Variants in PCBP3 observed in about 807,000 individuals in gnomAD.
The protein encoded by PCBP3 is poly(rC)-binding protein 3.
A neutral mutation model predicts 52.7 loss-of-function variants in PCBP3; 25 were observed. That is an observed-to-expected ratio of 0.47 (90% CI 0.35 to 0.66). PCBP3 has a LOEUF of 0.66. Among genes scored for constraint, PCBP3 ranks in the 30% least tolerant of loss-of-function variants. PCBP3 has a pLI of 0.01. For missense variants in PCBP3, 391 were observed against 490.3 expected (o/e 0.80, Z 1.91); for synonymous variants, 162 against 183.0 (o/e 0.89, Z 0.93).
At chr21:45,865,823 G>A (rs539614423) in intron 5 of PCBP3, among the ~76,000 whole-genome samples, 1 of 152,328 alleles carries the variant, frequency 6.6e-6, no homozygotes, top group African/African-American at 2.4e-5. Flanking sequence ...AGGGCAGGCG[G>A]CTGTCCTGCA....
At chr21:45,770,828 T>C (rs2089806031) in intron 4 of PCBP3, among the ~76,000 whole-genome samples, 1 of 152,188 alleles carries the variant, frequency 6.6e-6, no homozygotes, top group South Asian at 2.1e-4. Context: ...TCTGCAGCCA[T>C]GTATCCCCAG....
chr21:45,832,196 G>A (rs1050253482), intron 4 of PCBP3, among the ~76,000 whole-genome samples: 4 of 152,180 alleles, frequency 2.6e-5, no homozygotes, highest in East Asian at 1.9e-4. Context: ...TACACCATAC[G>A]GTAACTTCCT....
chr21:45,716,783 A>G (rs538654459), intron 2 of PCBP3, among the ~76,000 whole-genome samples: 3 of 152,232 alleles, frequency 2.0e-5, no homozygotes, highest in South Asian at 2.1e-4. Flanking sequence ...TAAGTTTTCA[A>G]ATTGGGAAAT....
chr21:45,797,203 G>C (rs2091963719), intron 4 of PCBP3, among the ~76,000 whole-genome samples: 1 of 152,162 alleles, frequency 6.6e-6, no homozygotes, highest in African/African-American at 2.4e-5. Context: ...GTGAATGCTA[G>C]ATGGATGGAT....
intron 4 of PCBP3, among the ~76,000 whole-genome samples, chr21:45,768,969 G>A (rs980808688): frequency 1.1e-4 from 16 of 152,252 alleles, no homozygotes; most frequent in Non-Finnish European, 2.4e-4. Context: ...AGGTGAGCAC[G>A]TGTCAGGACT....
intron 4 of PCBP3, among the ~76,000 whole-genome samples, chr21:45,846,100 C>T (rs551916741): frequency 4.6e-5 from 7 of 152,250 alleles, no homozygotes; most frequent in African/African-American, 9.6e-5. Context: ...TGGGCGTGTG[C>T]GTGAGGTTGG....
chr21:45,749,202 C>T (rs1045639444), intron 3 of PCBP3, among the ~76,000 whole-genome samples: 2 of 152,046 alleles, frequency 1.3e-5, no homozygotes, highest in African/African-American at 4.8e-5. Flanking sequence ...CATAGTTGCC[C>T]GTTTTCAGAA....
At chr21:45,785,898 G>A (rs1283651992) in intron 4 of PCBP3, among the ~76,000 whole-genome samples, 1 of 150,274 alleles carries the variant, frequency 6.7e-6, no homozygotes, top group Non-Finnish European at 1.5e-5. Context: ...TAAGGGCGGT[G>A]CAAGATGTGC....
At chr21:45,863,639 GCAC>G (rs2094593960) in intron 5 of PCBP3, among the ~76,000 whole-genome samples, 1 of 152,222 alleles carries the variant, frequency 6.6e-6, no homozygotes, top group Admixed American at 6.5e-5. Context: ...GGAGAGCGAA[GCAC>G]CACTCTCCTT....
chr21:45,760,417 G>A (rs1197693279), intron 4 of PCBP3: 3 of 152,166 alleles, frequency 2.0e-5, no homozygotes, highest in African/African-American at 7.2e-5. Flanking sequence ...CTCTAAGAAG[G>A]CATTATAAAC....
At chr21:45,703,821 C>T (rs1786699276) in intron 2 of PCBP3, among the ~76,000 whole-genome samples, 1 of 152,088 alleles carries the variant, frequency 6.6e-6, no homozygotes, top group African/African-American at 2.4e-5. Flanking sequence ...CATGAACATG[C>T]ATGTGACATG....
chr21:45,790,146 A>T (rs8129560), intron 4 of PCBP3, among the ~76,000 whole-genome samples: 67 of 152,138 alleles, frequency 4.4e-4, no homozygotes, highest in African/African-American at 1.6e-3. Context: ...TCTCAAAAAA[A>T]AAGAAAAAGA....
chr21:45,907,017 C>T (rs945631499), intron 9 of PCBP3, among the ~76,000 whole-genome samples: 6 of 152,234 alleles, frequency 3.9e-5, no homozygotes, highest in African/African-American at 1.2e-4. Context: ...AGACCACCTG[C>T]GTCCAGTGTT....
intron 2 of PCBP3, among the ~76,000 whole-genome samples, chr21:45,702,298 C>T (rs1056311378): frequency 6.6e-6 from 1 of 152,140 alleles, no homozygotes; most frequent in African/African-American, 2.4e-5. Flanking sequence ...AAATATTATT[C>T]ACTGAGTTAT....
chr21:45,664,382 A>G (rs1027414612), intron 1 of PCBP3, among the ~76,000 whole-genome samples: 2 of 149,846 alleles, frequency 1.3e-5, no homozygotes, highest in African/African-American at 4.9e-5. Flanking sequence ...TGAAGGTGAA[A>G]TAAAGGCATT....
At chr21:45,694,550 T>C (rs1306347573) in intron 2 of PCBP3, among the ~76,000 whole-genome samples, 2 of 152,218 alleles carry the variant, frequency 1.3e-5, no homozygotes, top group African/African-American at 4.8e-5. Context: ...GCATCTAATA[T>C]TGTCTCCTTA....
At chr21:45,803,218 T>C (rs1290241935) in intron 4 of PCBP3, among the ~76,000 whole-genome samples, 1 of 152,196 alleles carries the variant, frequency 6.6e-6, no homozygotes, top group Non-Finnish European at 1.5e-5. Context: ...ACCTTTCTGC[T>C]GGGGGTAGTG....
intron 9 of PCBP3, among the ~76,000 whole-genome samples, chr21:45,905,013 G>T (rs1278053541): frequency 1.3e-5 from 2 of 152,240 alleles, no homozygotes; most frequent in Admixed American, 1.3e-4. Context: ...ATATCTGTTT[G>T]AAATCATCTG....
At chr21:45,900,951 C>G (rs1373972168) in intron 8 of PCBP3, 46 bp from the exon 9 acceptor site, 4 of 1,428,906 alleles carry the variant, frequency 2.8e-6, no homozygotes, top group East Asian at 4.5e-5. Context: ...CCCACTGGCC[C>G]AAGGGTTTTA....
Sources: gnomAD v4.1 joint callset for allele counts (sites outside exome capture counted in the v4.1 genomes callset) on GRCh38, gnomAD v4.1.1 for gene constraint, MANE v1.5 for transcripts, NCBI Gene and HGNC (gene_info 2026-07-23, HGNC 2026-07-21) for gene names.